The following FCMR variants were observed in gnomAD, a reference collection of about 807,000 sequenced individuals.
The protein encoded by FCMR is Fc mu receptor, also known as immunoglobulin mu Fc receptor.
A neutral mutation model predicts 41.6 loss-of-function variants in FCMR; 34 were observed. That is an observed-to-expected ratio of 0.82 (90% CI 0.62 to 1.09). FCMR has a LOEUF of 1.09. FCMR is among the 50% of genes least tolerant of loss of function. FCMR has a pLI of 0.00. For synonymous variants in FCMR, 209 were observed against 211.8 expected (o/e 0.99, Z 0.12); for missense variants, 496 against 512.5 (o/e 0.97, Z 0.31).
At chr1:206,917,897 C>A in intron 1 of FCMR, 1 of 431,032 alleles carries the variant, frequency 2.3e-6, no homozygotes, top group Non-Finnish European at 4.5e-6. Flanking sequence ...GGATTACAGG[C>A]ATGAGTCTCC....
chr1:206,907,709 TG>T, intron 7 of FCMR: 1 of 888,592 alleles, frequency 1.1e-6, no homozygotes, highest in Non-Finnish European at 1.9e-6. Context: ...ACTGCTGGGC[TG>T]GAAGGTGGTT....
At position 206,913,028 on chromosome 1, in the gene FCMR, A is replaced by C; in HGVS notation, c.388T>G (p.Trp130Gly). 1 of 1,612,444 alleles carries C rather than the reference A, an allele frequency of 6.2e-7. No homozygotes were observed. Among genetic ancestry groups the C allele is most frequent in the Non-Finnish European group, 8.5e-7 (1 of 1,178,486 alleles). The change falls in exon 3 of 8, where the codon TGG becomes GGG. Residue 130 changes from tryptophan (W) to glycine (G), a missense_variant. Coordinates refer to ENST00000367091, the MANE Select transcript of FCMR (RefSeq NM_005449.5). ...GTCTCAGGCATTGGCTGCTCTTCCC[A>C]TGATGGCTCGTATTCTATTGGAAGG... Reference protein sequence around the residue: ...LNVHSEYEPSWEEQPMPETPK... With the variant: ...LNVHSEYEPSGEEQPMPETPK...
At chr1:206,905,356 T>C (rs1358151231) in intron 7 of FCMR, among the ~76,000 whole-genome samples, 1 of 152,152 alleles carries the variant, frequency 6.6e-6, no homozygotes, top group East Asian at 1.9e-4. Flanking sequence ...AAACCTAATG[T>C]GGGCAGGAAA....
intron 2 of FCMR, 35 bp from the exon 3 acceptor site, chr1:206,913,077 T>G: frequency 1.3e-4 from 192 of 1,504,864 alleles, no homozygotes; most frequent in Middle Eastern, 3.4e-4. Context: ...TGGTGGTCTC[T>G]AGGGGGAGAC....
chr1:206,919,064 C>G (rs1294137492), intron 1 of FCMR, among the ~76,000 whole-genome samples: 1 of 152,134 alleles, frequency 6.6e-6, no homozygotes, highest in Admixed American at 6.5e-5. Flanking sequence ...GAAAACAACC[C>G]CAAGCTTCCT....
At position 206,909,026 on chromosome 1, in the gene FCMR, C is replaced by G. The variant is rs1367208704; in HGVS notation, c.1044+436G>C. Among the ~76,000 whole-genome samples, 1 of 152,156 alleles carries G rather than the reference C, an allele frequency of 6.6e-6. No individual in the cohort carries two copies. Among genetic ancestry groups the G allele is most frequent in the African/African-American group, 2.4e-5 (1 of 41,432 alleles). On this transcript the variant is annotated intron_variant, in intron 7 of 7. Coordinates refer to ENST00000367091, the MANE Select transcript of FCMR (RefSeq NM_005449.5). This position sits in a 1 kb window ranked among gnomAD's most constrained non-coding sequence, Gnocchi z 5.0. The stretch of plus-strand genomic sequence containing the variant: ...ACCGCCTCCAGAGAAAGGTAAATTA[C>G]CTCCTCTCATCTTCGAGAGTTTACT...
chr1:206,915,637 A>G (rs372468726), intron 1 of FCMR, among the ~76,000 whole-genome samples: 1 of 152,210 alleles, frequency 6.6e-6, no homozygotes, highest in Non-Finnish European at 1.5e-5. Context: ...AAGTGTCTGC[A>G]TATTTCTGGG....
chr1:206,909,738 T>C lies in FCMR; in HGVS notation c.972A>G (p.Gly324=). The C allele has an allele frequency of 6.9e-7, 1 of 1,458,990 alleles. No homozygotes were observed. The highest frequency in any genetic ancestry group is 2.8e-5 in the Admixed American group (1 of 36,292). 90.4% of individuals were successfully genotyped at this position (1,458,990 alleles called of 1,614,324 possible). Residue 324 remains glycine (G), a synonymous_variant, in exon 6 of 8, where the codon GGA becomes GGG. Transcript: ENST00000367091. This position sits in a 1 kb window ranked among gnomAD's most constrained non-coding sequence, Gnocchi z 5.0. ...CCGGCGGCTCACCTGCAGCGTCCGC[T>C]CCACGAGCGCGCCGCGGGCAGGCGC... ...IYSACPRRAR[G]ADAAGTGEAP...
At chr1:206,917,809 T>A (rs1469656048) in intron 1 of FCMR, 13 of 453,686 alleles carry the variant, frequency 2.9e-5, no homozygotes, top group South Asian at 6.2e-5. Flanking sequence ...TTTTTTTTTT[T>A]AGAGATGGGC....
chr1:206,908,946 T>C (rs1488521803), intron 7 of FCMR, among the ~76,000 whole-genome samples: 7 of 151,996 alleles, frequency 4.6e-5, no homozygotes, highest in African/African-American at 1.7e-4. Flanking sequence ...TCCTCCTCAC[T>C]CAAGGTGTTG....
intron 3 of FCMR, 66 bp downstream of exon 3, chr1:206,912,863 C>T (rs900433794): frequency 3.7e-6 from 4 of 1,091,350 alleles, no homozygotes; most frequent in Non-Finnish European, 5.7e-6. Context: ...CATAGACCCC[C>T]TCCTCCATTT....
chr1:206,911,257 T>C (rs1176706668), intron 4 of FCMR, among the ~76,000 whole-genome samples: 2 of 151,510 alleles, frequency 1.3e-5, no homozygotes, highest in African/African-American at 2.4e-5. Context: ...TTTTGGAGTC[T>C]GCTATAATGC....
intron 7 of FCMR, 130 bp from the exon 8 acceptor site, chr1:206,905,277 T>C (rs564106549): frequency 5.1e-6 from 5 of 987,636 alleles, no homozygotes; most frequent in Non-Finnish European, 7.6e-6. Flanking sequence ...GACACAGAGA[T>C]GGCTCAGCTC....
intron 1 of FCMR, among the ~76,000 whole-genome samples, chr1:206,915,573 C>G (rs1483149618): frequency 2.6e-5 from 4 of 152,148 alleles, no homozygotes; most frequent in African/African-American, 9.7e-5. Context: ...CTTGAGCCAG[C>G]TACAGAAGAG....
rs1230374838 is a variant in FCMR at position 206,904,477 on chromosome 1, A to T, written c.*542T>A. On this transcript the variant is annotated 3_prime_UTR_variant, in exon 8 of 8. Transcript: ENST00000367091. ...TAGAACTTGAGATAAGTAGACGTTC[A>T]CTAGCAAGTGCTAACATTTGGATCA... 6.4e-6 allele frequency: 1 copy of T among 155,560 alleles called. No individual in the cohort carries two copies. Among genetic ancestry groups the T allele is most frequent in the Non-Finnish European group, 1.4e-5 (1 of 69,834 alleles). 9.6% of individuals were successfully genotyped at this position (155,560 alleles called of 1,614,324 possible).
chr1:206,921,183 G>A lies in FCMR; in HGVS notation c.37+635C>T, dbSNP rs924432100. On this transcript the variant is annotated intron_variant, in intron 1 of 7. Coordinates refer to ENST00000367091, the MANE Select transcript of FCMR (RefSeq NM_005449.5). ...ATTTAGGGTTGAAAGTTGGAAATTC[G>A]GGACTGAAAAAGATCTATAGAAAGA... Among the ~76,000 whole-genome samples, 7 of 152,280 alleles carry A rather than the reference G, an allele frequency of 4.6e-5. No individual in the cohort carries two copies. In the South Asian group the frequency reaches 6.2e-4, roughly 14 times the overall value.
At chr1:206,908,374 G>GTAAAA (rs2102546964) in intron 7 of FCMR, 2 of 578,730 alleles carry the variant, frequency 3.5e-6, no homozygotes, top group South Asian at 4.1e-5. Context: ...CAAGGAAAGG[G>GTAAAA]TCTTAGTCAC....
rs1679055121 is a variant in FCMR at position 206,913,882 on chromosome 1, T to C, written c.250A>G (p.Lys84Glu). The C allele has an allele frequency of 1.2e-6, 2 of 1,614,244 alleles. No homozygotes were observed. Among genetic ancestry groups the C allele is most frequent in the Middle Eastern group, 1.6e-4 (1 of 6,062 alleles). ...GTTACCTCCACTAGGAACAGATTCTTGCGTGGGTATTGCTTCAGAGTAACT... is the reference window on the plus strand; with the variant it reads ...GTTACCTCCACTAGGAACAGATTCTCGCGTGGGTATTGCTTCAGAGTAACT... Reference protein sequence around the residue: ...GRVTLKQYPRKNLFLVEVTQL... With the variant: ...GRVTLKQYPRENLFLVEVTQL... Residue 84 changes from lysine to glutamate, a missense_variant, in exon 2 of 8, where the codon AAG becomes GAG. By Grantham distance (56) the Lys-to-Glu change is moderately conservative. Coordinates refer to ENST00000367091, the MANE Select transcript of FCMR (RefSeq NM_005449.5).
chr1:206,912,263 C>T (rs995315079), intron 3 of FCMR, among the ~76,000 whole-genome samples: 8 of 152,136 alleles, frequency 5.3e-5, no homozygotes, highest in African/African-American at 1.9e-4. Flanking sequence ...GCTGTATTTG[C>T]GTGCTAATCT....
Sources: allele counts gnomAD v4.1 joint callset (sites outside exome capture counted in the v4.1 genomes callset), GRCh38; gene constraint gnomAD v4.1.1; non-coding constraint Gnocchi (gnomAD v3.1); transcripts MANE v1.5; gene names NCBI Gene and HGNC (gene_info 2026-07-23, HGNC 2026-07-21).